CCDC88B: variants seen among roughly 807,000 people sequenced by gnomAD.
CCDC88B encodes the protein coiled-coil domain-containing protein 88B.
A neutral mutation model predicts 183.7 loss-of-function variants in CCDC88B; 138 were observed. That is an observed-to-expected ratio of 0.75 (90% confidence interval 0.65 to 0.87). The LOEUF is 0.87. Ranked by LOEUF, CCDC88B falls within the 40% of genes least tolerant of loss-of-function variation. The pLI, the probability that CCDC88B is intolerant of heterozygous loss-of-function variation, is 0.00. For missense variants in CCDC88B, 1,822 were observed against 1,965.6 expected (o/e 0.93, Z 1.38); for synonymous variants, 835 against 867.5 (o/e 0.96, Z 0.66).
At chr11:64,340,431 G>A (rs1455157040) in intron 1 of CCDC88B, 105 bp downstream of exon 1, 1 of 1,307,388 alleles carries the variant, frequency 7.6e-7, no homozygotes, top group African/African-American at 1.5e-5. Context: ...GGCCGGAGGG[G>A]AGGGCTGGGT....
In CCDC88B at chr11:64,342,393, C is replaced by G; in HGVS notation, c.903+18C>G. 1 of 1,564,104 alleles carries G rather than the reference C, an allele frequency of 6.4e-7. No individual in the cohort carries two copies. Among genetic ancestry groups the G allele is most frequent in the East Asian group, 2.4e-5 (1 of 42,254 alleles). On this transcript the variant is annotated intron_variant, in intron 9 of 26. Coordinates refer to ENST00000356786, the MANE Select transcript of CCDC88B (RefSeq NM_032251.6). ...GCCAGGAGGTGCGCTCACATGCTCCCCGCCACCGCGGCATTCCCTAACCTC... is the reference window on the plus strand; with the variant it reads ...GCCAGGAGGTGCGCTCACATGCTCCGCGCCACCGCGGCATTCCCTAACCTC...
chr11:64,352,964 C>T (rs2036399824), intron 20 of CCDC88B, 77 bp downstream of exon 20: 12 of 1,501,664 alleles, frequency 8.0e-6, no homozygotes, highest in Admixed American at 2.1e-5. Flanking sequence ...GGGGTCCTGT[C>T]TGGCCTCCCC....
At chr11:64,351,122 G>A (rs550595539) in intron 16 of CCDC88B, 38 bp from the exon 17 acceptor site, 21 of 1,421,398 alleles carry the variant, frequency 1.5e-5, no homozygotes, top group Admixed American at 3.0e-5. Flanking sequence ...AAGGCACTGC[G>A]GCTGTCCCGC....
intron 10 of CCDC88B, chr11:64,342,894 G>C (rs2035939741): frequency 7.1e-6 from 3 of 422,516 alleles, no homozygotes; most frequent in Admixed American, 8.8e-5. Context: ...CTGTGTAAGT[G>C]ATGCAGCCTT....
At chr11:64,350,314 C>T (rs1490356305) in intron 16 of CCDC88B, 1 of 152,782 alleles carries the variant, frequency 6.5e-6, no homozygotes, top group Admixed American at 6.5e-5. Flanking sequence ...AGGTGGATCA[C>T]CTGAGGTCAG....
intron 2 of CCDC88B, 40 bp downstream of exon 2, chr11:64,340,792 T>C (rs769809463): frequency 2.5e-6 from 4 of 1,569,300 alleles, no homozygotes; most frequent in East Asian, 2.3e-5. Context: ...GGGAAGGATC[T>C]GAGAGGAGGG....
At position 64,341,316 on chromosome 11, in the gene CCDC88B, A is replaced by C. The variant is rs781555613; in HGVS notation, c.435A>C (p.Gly145=). 1.2e-6 allele frequency: 2 copies of C among 1,613,906 alleles called. No homozygotes were observed. Among genetic ancestry groups the C allele is most frequent in the Non-Finnish European group, 1.7e-6 (2 of 1,179,976 alleles). ...QLEGVLRLLL[G]ASVQCEHREL... ...AAGGCGTTCTTCGGCTACTGTTGGGAGCGTCAGTACAGGTGAGCCGGCGGT... is the reference window on the plus strand; with the variant it reads ...AAGGCGTTCTTCGGCTACTGTTGGGCGCGTCAGTACAGGTGAGCCGGCGGT... The change falls in exon 5 of 27, where the codon GGA becomes GGC. Residue 145 remains glycine (G), a synonymous_variant. Coordinates refer to ENST00000356786, the MANE Select transcript of CCDC88B (RefSeq NM_032251.6).
At chr11:64,340,556 G>T in intron 1 of CCDC88B, 51 bp from the exon 2 acceptor site, 1 of 1,574,180 alleles carries the variant, frequency 6.4e-7, no homozygotes. Flanking sequence ...CAGGTCGGAG[G>T]GGCTCAGGGT....
chr11:64,340,424 C>T (rs1244447502), intron 1 of CCDC88B, 98 bp downstream of exon 1: 5 of 1,176,520 alleles, frequency 4.2e-6, no homozygotes, highest in East Asian at 2.9e-5. Context: ...AGAACCAGGC[C>T]GGAGGGGAGG....
intron 14 of CCDC88B, 122 bp from the exon 15 acceptor site, chr11:64,349,209 G>C: frequency 8.5e-7 from 1 of 1,178,596 alleles, no homozygotes. Context: ...GAGCCCAAAG[G>C]CTTAATGATA....
At chr11:64,342,871 GGGA>G in intron 10 of CCDC88B, 191 bp downstream of exon 10, 2 of 594,900 alleles carry the variant, frequency 3.4e-6, no homozygotes, top group South Asian at 4.3e-5. Context: ...GCAGGTGTAG[GGGA>G]GTGGGGGGGC....
rs752610866 is a variant in CCDC88B, at chr11:64,355,601, GA to G, written c.4350del (p.Glu1450AspfsTer159). 6.2e-7 allele frequency: 1 copy of G among 1,612,400 alleles called. No individual in the cohort carries two copies. ...GWENSAETLQEHETDANREGP... is the reference protein window; with the variant it reads ...GWENSAETLQXHETDANREGP... ...GGAGAACTCCGCTGAGACCCTGCAG[GA>G]ACACGAAACAGATGCCAACCGAGAG... On this transcript the variant is annotated frameshift_variant, in exon 26 of 27. Coordinates refer to ENST00000356786, the MANE Select transcript of CCDC88B (RefSeq NM_032251.6). LOFTEE classifies it high-confidence loss of function.
intron 14 of CCDC88B, among the ~76,000 whole-genome samples, chr11:64,346,013 A>C (rs941300543): frequency 6.6e-6 from 1 of 152,142 alleles, no homozygotes; most frequent in Admixed American, 6.5e-5. Flanking sequence ...AAAACAAACA[A>C]ACACCATCCA....
At chr11:64,352,568 G>A (rs1249228875) in intron 19 of CCDC88B, among the ~76,000 whole-genome samples, 176 bp from the exon 20 acceptor site, 1 of 152,224 alleles carries the variant, frequency 6.6e-6, no homozygotes, top group Non-Finnish European at 1.5e-5. Context: ...GCTCCCCGTG[G>A]GGCTCACCTA....
intron 23 of CCDC88B, 70 bp downstream of exon 23, chr11:64,353,883 CCCAGGCCCAGCTCAGGT>C: frequency 1.3e-6 from 2 of 1,595,756 alleles, no homozygotes; most frequent in Admixed American, 3.3e-5. Context: ...GGCCTCTGAC[CCCAGGCCCAGCTCAGGT>C]CCAGGCCCCA....
At chr11:64,353,032 G>A in intron 20 of CCDC88B, 22 bp from the exon 21 acceptor site, 1 of 1,565,302 alleles carries the variant, frequency 6.4e-7, no homozygotes, top group Non-Finnish European at 8.7e-7. Flanking sequence ...CCCTTGGAGA[G>A]CAGCTCTCCT....
At chr11:64,341,911 C>G (rs1057402966) in intron 7 of CCDC88B, 83 bp from the exon 8 acceptor site, 3 of 643,476 alleles carry the variant, frequency 4.7e-6, no homozygotes, top group Non-Finnish European at 7.0e-6. Flanking sequence ...CAGACCACAA[C>G]CCCATGTCTG....
At position 64,355,374 on chromosome 11, in the gene CCDC88B, T is replaced by TG; in HGVS notation, c.4285dup (p.Ala1429GlyfsTer18). On this transcript the variant is annotated frameshift_variant, in exon 25 of 27. Transcript: ENST00000356786. LOFTEE classifies it high-confidence loss of function. ...TTCCGACAGCGCCATCCAGGCCCCC[T>TG]GGGGGCGCCCGTCTCCCACAGCAAA... The TG allele has an allele frequency of 6.3e-7, 1 of 1,589,140 alleles. No homozygotes were observed. Among genetic ancestry groups the TG allele is most frequent in the Non-Finnish European group, 8.6e-7 (1 of 1,168,420 alleles).
intron 7 of CCDC88B, 49 bp downstream of exon 7, chr11:64,341,791 C>T (rs2035867376): frequency 6.5e-7 from 1 of 1,537,014 alleles, no homozygotes; most frequent in Admixed American, 2.2e-5. Context: ...ACTGGAGGAC[C>T]ATCAGGGAGC....
Sources: allele counts gnomAD v4.1 joint callset (sites outside exome capture counted in the v4.1 genomes callset), GRCh38; gene constraint gnomAD v4.1.1; transcripts MANE v1.5; gene names NCBI Gene and HGNC (gene_info 2026-07-23, HGNC 2026-07-21).